Variants in FA2H observed in about 807,000 individuals in gnomAD.
The protein encoded by FA2H is fatty acid alpha-hydroxylase.
In FA2H, 22 loss-of-function variants were observed where a neutral mutation model predicts 44.9. That is an observed-to-expected ratio of 0.49 (90% CI 0.35 to 0.70). The LOEUF (loss-of-function observed/expected upper bound fraction) is 0.70, where lower values mean the gene tolerates loss of function less well. Among genes scored for constraint, FA2H ranks in the 30% least tolerant of loss-of-function variants. The pLI, the probability that FA2H is intolerant of heterozygous loss-of-function variation, is 0.01. For missense variants in FA2H, 501 were observed against 504.9 expected (o/e 0.99, Z 0.07); for synonymous variants, 243 against 213.2 (o/e 1.14, Z -1.22).
rs534448988 is a variant in FA2H at position 74,754,255 on chromosome 16, G to C, written c.271-14140C>G. On this transcript the variant is annotated intron_variant, in intron 1 of 6. Coordinates refer to ENST00000219368, the MANE Select transcript of FA2H (RefSeq NM_024306.5). Reference sequence around the variant, plus strand: ...TACTAAAAATACAAAAATTAGCCAGGTGTGGTGGCACGTGCCTGTAGTCCC... The same window carrying C: ...TACTAAAAATACAAAAATTAGCCAGCTGTGGTGGCACGTGCCTGTAGTCCC... 7.2e-4 allele frequency among the ~76,000 whole-genome samples: 109 copies of C among 152,286 alleles called. 1 individual carries two copies. The South Asian group carries it at 0.022, about 31-fold the overall frequency.
At chr16:74,715,812 C>CTTTTTTTT (rs1281614622) in intron 6 of FA2H, among the ~76,000 whole-genome samples, 2 of 149,198 alleles carry the variant, frequency 1.3e-5, no homozygotes, top group African/African-American at 5.0e-5. Context: ...TCTTCTTCTT[C>CTTTTTTTT]TTCTTTTTTT....
chr16:74,771,906 A>AC (rs1962914900), intron 1 of FA2H, among the ~76,000 whole-genome samples: 1 of 150,268 alleles, frequency 6.7e-6, no homozygotes, highest in Admixed American at 6.6e-5. Flanking sequence ...TCTTCTAAAG[A>AC]TGCAAATCTG....
intron 6 of FA2H, among the ~76,000 whole-genome samples, chr16:74,715,811 TC>T (rs1162901682): frequency 2.0e-5 from 3 of 151,232 alleles, no homozygotes; most frequent in African/African-American, 7.3e-5. Context: ...TTCTTCTTCT[TC>T]TTCTTTTTTT....
intron 2 of FA2H, among the ~76,000 whole-genome samples, chr16:74,732,548 T>C (rs912036471): frequency 1.3e-5 from 2 of 151,976 alleles, no homozygotes; most frequent in Middle Eastern, 3.2e-3. Flanking sequence ...GTGATTCTCC[T>C]GCCTCAGCCT....
intron 2 of FA2H, among the ~76,000 whole-genome samples, chr16:74,729,773 G>A (rs547130972): frequency 1.3e-5 from 2 of 151,988 alleles, no homozygotes; most frequent in South Asian, 2.1e-4. Flanking sequence ...TTTTCCTCCC[G>A]GAGCCCCTCA....
At chr16:74,764,052 G>C (rs140766608) in intron 1 of FA2H, among the ~76,000 whole-genome samples, 1 of 152,248 alleles carries the variant, frequency 6.6e-6, no homozygotes, top group African/African-American at 2.4e-5. Flanking sequence ...ATATTTCTCA[G>C]TTATAAGCTT....
chr16:74,719,093 G>T lies in FA2H; in HGVS notation c.681C>A (p.Ser227Arg). Reference protein sequence around the residue: ...GLFMLGTFLWSLIEYLIHRFL... With the variant: ...GLFMLGTFLWRLIEYLIHRFL... ...AGCGGTGGATGAGGTACTCGATGAGGCTCCAGAGGAATGTCCCCAGCATGA... is the reference window on the plus strand; with the variant it reads ...AGCGGTGGATGAGGTACTCGATGAGTCTCCAGAGGAATGTCCCCAGCATGA... Residue 227 changes from serine to arginine, a missense_variant, in exon 5 of 7, where the codon AGC becomes AGA. Transcript: ENST00000219368. The T allele has an allele frequency of 6.2e-7, 1 of 1,614,018 alleles. No individual in the cohort carries two copies. Among genetic ancestry groups the T allele is most frequent in the Non-Finnish European group, 8.5e-7 (1 of 1,180,028 alleles).
At chr16:74,738,110 G>A (rs926704941) in intron 2 of FA2H, among the ~76,000 whole-genome samples, 1 of 152,214 alleles carries the variant, frequency 6.6e-6, no homozygotes, top group Admixed American at 6.5e-5. Flanking sequence ...CGGGCAGGTG[G>A]GGGCTCCGTC....
intron 1 of FA2H, among the ~76,000 whole-genome samples, chr16:74,742,474 G>A (rs148557065): frequency 1.3e-5 from 2 of 152,340 alleles, no homozygotes; most frequent in African/African-American, 4.8e-5. Flanking sequence ...ACATAGGACA[G>A]GCACGAGCAG....
At chr16:74,741,217 T>C (rs996966338) in intron 1 of FA2H, 2 of 152,200 alleles carry the variant, frequency 1.3e-5, no homozygotes, top group African/African-American at 2.4e-5. Context: ...TCCTTGTGAC[T>C]GAAGGAAGCC....
chr16:74,731,156 A>ATT (rs547324621), intron 2 of FA2H, among the ~76,000 whole-genome samples: 47 of 136,120 alleles, frequency 3.5e-4, no homozygotes, highest in African/African-American at 7.0e-4. Flanking sequence ...AATCTCTGCC[A>ATT]TTTTTTTTTT....
At chr16:74,727,591 A>G (rs1961986427) in intron 2 of FA2H, among the ~76,000 whole-genome samples, 1 of 152,228 alleles carries the variant, frequency 6.6e-6, no homozygotes, top group Admixed American at 6.5e-5. Context: ...GATCCGGTAA[A>G]GGTTTGCGAC....
At chr16:74,744,902 T>G (rs921744287) in intron 1 of FA2H, among the ~76,000 whole-genome samples, 3 of 152,142 alleles carry the variant, frequency 2.0e-5, no homozygotes. Context: ...GCCTTTGAAC[T>G]GGGTAGGTTT....
chr16:74,719,205 G>C (rs1961777893), intron 4 of FA2H, 45 bp from the exon 5 acceptor site: 2 of 1,566,838 alleles, frequency 1.3e-6, no homozygotes, highest in Admixed American at 1.7e-5. Flanking sequence ...GTGCATAGCA[G>C]CCTGGTAGCT....
intron 4 of FA2H, among the ~76,000 whole-genome samples, chr16:74,721,625 G>C (rs1961842094): frequency 6.6e-6 from 1 of 152,158 alleles, no homozygotes; most frequent in Admixed American, 6.5e-5. Context: ...ACCTCTGCAA[G>C]ACCCTAGACA....
chr16:74,746,710 C>T (rs1962431582), intron 1 of FA2H, among the ~76,000 whole-genome samples: 1 of 152,146 alleles, frequency 6.6e-6, no homozygotes, highest in African/African-American at 2.4e-5. Context: ...GATGCCCTGT[C>T]CACTGAGAAG....
At chr16:74,753,622 A>G (rs2144650881) in intron 1 of FA2H, among the ~76,000 whole-genome samples, 2 of 152,172 alleles carry the variant, frequency 1.3e-5, no homozygotes, top group South Asian at 4.1e-4. Context: ...GCAGTGAGCT[A>G]AGATTGCACC....
intron 3 of FA2H, 94 bp downstream of exon 3, chr16:74,727,150 T>C: frequency 1.3e-6 from 2 of 1,517,388 alleles, no homozygotes; most frequent in Non-Finnish European, 1.8e-6. Context: ...ACCTGGGCTC[T>C]GGGGAGGGAC....
In FA2H at chr16:74,716,104, G is replaced by A. The variant is rs554938526; in HGVS notation, c.1039+243C>T. ...CCCTCGGCTGGGATTACAGGTGTGA[G>A]CCACCACACCCAGCCCCTTTATTTT... On this transcript the variant is annotated intron_variant, in intron 6 of 6. Transcript: ENST00000219368. 8.5e-5 allele frequency among the ~76,000 whole-genome samples: 13 copies of A among 152,248 alleles called. 1 individual carries two copies. The highest frequency in any genetic ancestry group is 4.1e-4 in the South Asian group (2 of 4,826).
Sources: gnomAD v4.1 joint callset for allele counts (sites outside exome capture counted in the v4.1 genomes callset) on GRCh38, gnomAD v4.1.1 for gene constraint, MANE v1.5 for transcripts, NCBI Gene and HGNC (gene_info 2026-07-23, HGNC 2026-07-21) for gene names.